Variants in YME1L1 observed in about 807,000 individuals in gnomAD.
YME1L1 encodes the protein YME1 like 1 ATPase, also known as ATP-dependent zinc metalloprotease YME1L1.
Under a neutral mutation model 90.4 loss-of-function variants are expected in YME1L1, and 39 were observed. The observed-to-expected ratio is 0.43, with a 90% CI of 0.33 to 0.56. The LOEUF (loss-of-function observed/expected upper bound fraction) is 0.56. Ranked by LOEUF, YME1L1 falls within the 20% of genes least tolerant of loss-of-function variation. The pLI, the probability that YME1L1 is intolerant of heterozygous loss-of-function variation, is 0.03. For synonymous variants in YME1L1, 284 were observed against 287.3 expected (o/e 0.99, Z 0.12); for missense variants, 617 against 868.4 (o/e 0.71, Z 3.64).
chr10:27,112,443 T>G (rs901906643), intron 18 of YME1L1, among the ~76,000 whole-genome samples: 1 of 152,152 alleles, frequency 6.6e-6, no homozygotes, highest in African/African-American at 2.4e-5. Context: ...CCATGGTCCC[T>G]CCTGTGGAGA....
chr10:27,125,471 A>AAAC (rs1554804629), intron 9 of YME1L1, among the ~76,000 whole-genome samples: 15 of 150,832 alleles, frequency 9.9e-5, no homozygotes, highest in African/African-American at 3.6e-4. Context: ...AAAAAAAAAA[A>AAAC]AAAAAACAAT....
Position 27,116,242 on chromosome 10 carries a change from A to G in YME1L1, c.1823T>C (p.Phe608Ser). The G allele has an allele frequency of 6.2e-7, 1 of 1,614,184 alleles. No individual in the cohort carries two copies. Among genetic ancestry groups the G allele is most frequent in the Admixed American group, 1.7e-5 (1 of 60,024 alleles). Reference protein sequence around the residue: ...MGGRVAEELIFGTDHITTGAS... With the variant: ...MGGRVAEELISGTDHITTGAS... ...ACCTGTTGTAATATGGTCGGTTCCA[A>G]ATATAAGCTCCTCTGCCACTCTTCC... The change falls in exon 16 of 19, where the codon TTT becomes TCT. Residue 608 changes from phenylalanine (F) to serine (S), a missense_variant. Transcript: ENST00000376016.
intron 8 of YME1L1, among the ~76,000 whole-genome samples, chr10:27,130,185 T>C (rs2056962460): frequency 6.6e-6 from 1 of 152,166 alleles, no homozygotes; most frequent in African/African-American, 2.4e-5. Context: ...GCATTTCACA[T>C]TGCTGATCAC....
At chr10:27,125,498 C>T (rs1353273175) in intron 9 of YME1L1, among the ~76,000 whole-genome samples, 1 of 145,136 alleles carries the variant, frequency 6.9e-6, no homozygotes, top group East Asian at 2.1e-4. Flanking sequence ...CTAAATGTTA[C>T]CTGTGATCCT....
In YME1L1 at chr10:27,111,734, G is replaced by A. The variant is rs1281664649; in HGVS notation, c.*243C>T. On this transcript the variant is annotated 3_prime_UTR_variant, in exon 19 of 19. Coordinates refer to ENST00000376016, the MANE Select transcript of YME1L1 (RefSeq NM_014263.4). The stretch of plus-strand genomic sequence containing the variant: ...CTAATTGACATTCCTCAAAAGAGCT[G>A]TTTTCAATCCTGATAGTTCTTTATT... The A allele has an allele frequency of 1.7e-6, 1 of 575,894 alleles. No homozygotes were observed. The highest frequency in any genetic ancestry group is 1.8e-5 in the South Asian group (1 of 54,770). The allele number at this position is 575,894 out of a possible 1,614,324, so 35.7% of individuals were successfully genotyped here.
At chr10:27,148,699 T>C (rs1288881666) in intron 2 of YME1L1, among the ~76,000 whole-genome samples, 1 of 152,236 alleles carries the variant, frequency 6.6e-6, no homozygotes, top group Non-Finnish European at 1.5e-5. Context: ...ACATAAAATA[T>C]ACAAAATATA....
At chr10:27,131,557 A>C (rs2056977766) in intron 8 of YME1L1, among the ~76,000 whole-genome samples, 1 of 152,182 alleles carries the variant, frequency 6.6e-6, no homozygotes, top group African/African-American at 2.4e-5. Flanking sequence ...ATCTAAAGTA[A>C]TTTCTTCAAG....
intron 3 of YME1L1, among the ~76,000 whole-genome samples, chr10:27,144,343 C>T (rs191939549): frequency 5.6e-4 from 86 of 152,278 alleles, no homozygotes; most frequent in Admixed American, 3.0e-3. Flanking sequence ...CTCACACTTA[C>T]GGTTTTTTAT....
intron 3 of YME1L1, among the ~76,000 whole-genome samples, chr10:27,143,191 G>A (rs1297783404): frequency 6.6e-6 from 1 of 150,836 alleles, no homozygotes; most frequent in Non-Finnish European, 1.5e-5. Flanking sequence ...GCAACATGGA[G>A]AAACCCCGTC....
intron 9 of YME1L1, 68 bp downstream of exon 9, chr10:27,126,628 G>T: frequency 1.2e-6 from 1 of 830,196 alleles, no homozygotes; most frequent in Non-Finnish European, 1.8e-6. Context: ...AAGTAATATA[G>T]GTTTTTTTTG....
intron 5 of YME1L1, among the ~76,000 whole-genome samples, chr10:27,135,899 T>C (rs1315539362): frequency 6.6e-6 from 1 of 152,214 alleles, no homozygotes; most frequent in African/African-American, 2.4e-5. Context: ...AGCCTATCTA[T>C]GGCAGTGGAA....
intron 5 of YME1L1, among the ~76,000 whole-genome samples, chr10:27,135,538 T>C (rs563028918): frequency 6.6e-6 from 1 of 152,194 alleles, no homozygotes; most frequent in Non-Finnish European, 1.5e-5. Context: ...ATAGGACATC[T>C]AAAACACAGG....
At chr10:27,120,309 G>GAA (rs1259566923) in intron 13 of YME1L1, 126 bp downstream of exon 13, 14 of 586,526 alleles carry the variant, frequency 2.4e-5, no homozygotes, top group East Asian at 3.2e-5. Context: ...CATACTAATG[G>GAA]AAAAAAAAAA....
chr10:27,115,499 T>C (rs2056803957), intron 17 of YME1L1, among the ~76,000 whole-genome samples: 1 of 151,578 alleles, frequency 6.6e-6, no homozygotes, highest in Non-Finnish European at 1.5e-5. Flanking sequence ...TTTTTAGAGA[T>C]GGGGTTGTGC....
intron 1 of YME1L1, among the ~76,000 whole-genome samples, chr10:27,153,524 T>C (rs2135917773): frequency 6.6e-6 from 1 of 152,328 alleles, no homozygotes; most frequent in South Asian, 2.1e-4. Context: ...TTGTCACAAG[T>C]GATTGCCCAA....
chr10:27,145,740 A>G (rs1301124441), intron 2 of YME1L1, 150 bp from the exon 3 acceptor site: 1 of 698,284 alleles, frequency 1.4e-6, no homozygotes, highest in Non-Finnish European at 2.1e-6. Context: ...TGATGCAAAT[A>G]TTTTCACAGT....
intron 6 of YME1L1, 85 bp downstream of exon 6, chr10:27,134,746 G>C: frequency 1.4e-6 from 2 of 1,406,036 alleles, no homozygotes; most frequent in South Asian, 2.6e-5. Flanking sequence ...GATGGTCTTA[G>C]AAAAGTTACT....
At chr10:27,121,360 C>T in intron 12 of YME1L1, 26 bp downstream of exon 12, 1 of 1,550,406 alleles carries the variant, frequency 6.4e-7, no homozygotes, top group African/African-American at 1.4e-5. Flanking sequence ...AACAGTACTT[C>T]ACAAAAATCT....
At chr10:27,112,999 A>G (rs749718663) in intron 18 of YME1L1, among the ~76,000 whole-genome samples, 3 of 151,930 alleles carry the variant, frequency 2.0e-5, no homozygotes, top group Non-Finnish European at 4.4e-5. Context: ...AGGCAGGTGG[A>G]TCGTTTGAGC....
Sources: allele counts gnomAD v4.1 joint callset (sites outside exome capture counted in the v4.1 genomes callset), GRCh38; gene constraint gnomAD v4.1.1; transcripts MANE v1.5; gene names NCBI Gene and HGNC (gene_info 2026-07-23, HGNC 2026-07-21).